Variants in TBC1D4 observed in about 807,000 individuals in gnomAD.
TBC1D4 encodes the protein TBC1 domain family member 4, also known as TBC (Tre-2, BUB2, CDC16) domain-containing protein.
In TBC1D4, 121 loss-of-function variants were observed where a neutral mutation model predicts 142.5. The ratio of observed to expected loss-of-function variants is 0.85; its 90% CI spans 0.73 to 0.99. TBC1D4 has a LOEUF of 0.99. Among genes scored for constraint, TBC1D4 ranks in the 50% least tolerant of loss-of-function variants. TBC1D4 has a pLI of 0.00. For missense variants in TBC1D4, 1,475 were observed against 1,606.6 expected, an observed-to-expected ratio of 0.92 and a Z score of 1.40; for synonymous variants, 630 against 628.2, an observed-to-expected ratio of 1.00 and a Z score of -0.04.
At chr13:75,441,087 T>C (rs1887019796) in intron 1 of TBC1D4, among the ~76,000 whole-genome samples, 1 of 152,056 alleles carries the variant, frequency 6.6e-6, no homozygotes. Context: ...AAATACCGTC[T>C]TTACTAAAAA....
At chr13:75,361,935 T>C in intron 2 of TBC1D4, 91 bp downstream of exon 2, 5 of 1,410,468 alleles carry the variant, frequency 3.5e-6, no homozygotes, top group Non-Finnish European at 4.0e-6. Context: ...TTATTCGTTA[T>C]ATAGAGGTGG....
chr13:75,470,495 T>C (rs776983125), intron 1 of TBC1D4, among the ~76,000 whole-genome samples: 28 of 152,114 alleles, frequency 1.8e-4, no homozygotes, highest in Admixed American at 5.9e-4. Context: ...AGCAATCATA[T>C]TGTAACAAAA....
At chr13:75,391,995 T>C (rs1309964805) in intron 1 of TBC1D4, among the ~76,000 whole-genome samples, 1 of 152,194 alleles carries the variant, frequency 6.6e-6, no homozygotes, top group Non-Finnish European at 1.5e-5. Context: ...CATCATTTCT[T>C]TTTCTCAGTC....
intron 1 of TBC1D4, among the ~76,000 whole-genome samples, chr13:75,383,656 C>T (rs1046029783): frequency 1.3e-5 from 2 of 152,032 alleles, no homozygotes; most frequent in Admixed American, 6.6e-5. Flanking sequence ...TTGCTAATTT[C>T]TTGCTGGGCC....
At position 75,286,652 on chromosome 13, in the gene TBC1D4, A is replaced by C. The variant is rs568395846; in HGVS notation, c.*140T>G. 6 of 830,562 alleles carry C rather than the reference A, an allele frequency of 7.2e-6. No individual in the cohort carries two copies. The highest frequency in any genetic ancestry group is 2.1e-5 in the Admixed American group (1 of 47,216). 51.4% of individuals were successfully genotyped at this position (830,562 alleles called of 1,614,324 possible). A position where few individuals can be genotyped will look rare whatever the true frequency, so the allele number is the denominator to read the frequency against. Reference sequence around the variant, plus strand: ...GCATGCTCTGATGAGCACGAGGTCCACCTGCTGTGACTAGGCGCTCAGCAC... The same window carrying C: ...GCATGCTCTGATGAGCACGAGGTCCCCCTGCTGTGACTAGGCGCTCAGCAC... On this transcript the variant is annotated 3_prime_UTR_variant, in exon 21 of 21. Coordinates refer to ENST00000377636, the MANE Select transcript of TBC1D4 (RefSeq NM_014832.5).
chr13:75,299,818 T>A (rs1267947141), intron 16 of TBC1D4, among the ~76,000 whole-genome samples: 1 of 93,174 alleles, frequency 1.1e-5, no homozygotes, highest in African/African-American at 4.6e-5. Flanking sequence ...AGTACTTCTT[T>A]CCAGCAAAAA....
chr13:75,348,970 T>A (rs1881380433), intron 5 of TBC1D4, among the ~76,000 whole-genome samples, 200 bp downstream of exon 5: 1 of 150,262 alleles, frequency 6.7e-6, no homozygotes, highest in Non-Finnish European at 1.5e-5. Flanking sequence ...TGTGTGTGTG[T>A]GTGTGTGTGT....
At chr13:75,402,317 A>G (rs1310600649) in intron 1 of TBC1D4, among the ~76,000 whole-genome samples, 1 of 152,182 alleles carries the variant, frequency 6.6e-6, no homozygotes, top group Non-Finnish European at 1.5e-5. Context: ...CAGACTTAAA[A>G]GGGTTTTGTC....
chr13:75,433,091 TCTCA>T (rs1886656932), intron 1 of TBC1D4, among the ~76,000 whole-genome samples: 2 of 152,106 alleles, frequency 1.3e-5, no homozygotes, highest in Non-Finnish European at 2.9e-5. Context: ...TTGCCTCAAC[TCTCA>T]CTCACCATTC....
intron 1 of TBC1D4, chr13:75,375,770 C>A (rs1427162270): frequency 8.1e-6 from 1 of 123,456 alleles, no homozygotes; most frequent in Non-Finnish European, 1.6e-5. Context: ...TGCCCCACCC[C>A]CCCCACACAC....
rs530681914 is a variant in TBC1D4 at position 75,479,866 on chromosome 13, A to C, written c.498+1404T>G. 7.2e-5 allele frequency among the ~76,000 whole-genome samples: 11 copies of C among 152,336 alleles called. 1 individual carries two copies. In the South Asian group the frequency reaches 2.3e-3, roughly 32 times the overall value. Reference sequence around the variant, plus strand: ...TTGCCATAAACATAACAGTTATGCCATAAACATAACTTCACATTAGGAGTT... The same window carrying C: ...TTGCCATAAACATAACAGTTATGCCCTAAACATAACTTCACATTAGGAGTT... On this transcript the variant is annotated intron_variant, in intron 1 of 20. Transcript: ENST00000377636.
intron 11 of TBC1D4, 46 bp from the exon 12 acceptor site, chr13:75,320,083 T>C (rs768424170): frequency 1.9e-5 from 31 of 1,607,444 alleles, no homozygotes; most frequent in Non-Finnish European, 2.5e-5. Flanking sequence ...CACACAAATA[T>C]GTCCAAATCA....
In TBC1D4 at chr13:75,284,081, C is replaced by T. The variant is rs931698970; in HGVS notation, c.*2711G>A. 2.0e-5 allele frequency among the ~76,000 whole-genome samples: 3 copies of T among 152,010 alleles called. No homozygotes were observed. The highest frequency in any genetic ancestry group is 4.4e-5 in the Non-Finnish European group (3 of 68,002). On this transcript the variant is annotated 3_prime_UTR_variant, in exon 21 of 21. Transcript: ENST00000377636. The stretch of plus-strand genomic sequence containing the variant: ...CTGAGTAGCTGAGATTACAGATGCA[C>T]ACCACCACGCCTGGCTAATTTTTGT...
intron 1 of TBC1D4, among the ~76,000 whole-genome samples, chr13:75,409,644 T>A: frequency 6.6e-6 from 1 of 152,200 alleles, no homozygotes; most frequent in East Asian, 1.9e-4. Flanking sequence ...CACAGTAAAA[T>A]ACACGGAATC....
chr13:75,336,576 T>A (rs572148215), intron 8 of TBC1D4, among the ~76,000 whole-genome samples: 1 of 152,008 alleles, frequency 6.6e-6, no homozygotes, highest in Admixed American at 6.6e-5. Flanking sequence ...GACATGGTGA[T>A]GTACACCTGT....
At chr13:75,443,080 C>T (rs1887119350) in intron 1 of TBC1D4, among the ~76,000 whole-genome samples, 1 of 152,192 alleles carries the variant, frequency 6.6e-6, no homozygotes, top group African/African-American at 2.4e-5. Context: ...CTCCTCTGGG[C>T]TTAGGCAAGT....
At position 75,285,414 on chromosome 13, in the gene TBC1D4, G is replaced by A. The variant is rs903094744; in HGVS notation, c.*1378C>T. 6.6e-6 allele frequency: 1 copy of A among 152,112 alleles called. No homozygotes were observed. Among genetic ancestry groups the A allele is most frequent in the Non-Finnish European group, 1.5e-5 (1 of 67,988 alleles). The allele number at this position is 152,112 out of a possible 1,614,324, so 9.4% of individuals were successfully genotyped here. A position where few individuals can be genotyped will look rare whatever the true frequency, so the allele number is the denominator to read the frequency against. ...AAGCAGTGAGGATAAATACTTTTTG[G>A]AAAGGCAAAAATGCTGCATCAACTT... On this transcript the variant is annotated 3_prime_UTR_variant, in exon 21 of 21. Transcript: ENST00000377636.
intron 1 of TBC1D4, among the ~76,000 whole-genome samples, chr13:75,430,104 T>C (rs746958686): frequency 2.6e-5 from 4 of 152,176 alleles, no homozygotes; most frequent in African/African-American, 4.8e-5. Context: ...AAGAAAATTA[T>C]GACAAATACA....
At chr13:75,420,967 C>G (rs907879203) in intron 1 of TBC1D4, among the ~76,000 whole-genome samples, 2 of 152,172 alleles carry the variant, frequency 1.3e-5, no homozygotes. Context: ...AGATTTACCC[C>G]CTGGTTCTCA....
Sources: allele counts gnomAD v4.1 joint callset (sites outside exome capture counted in the v4.1 genomes callset), GRCh38; gene constraint gnomAD v4.1.1; transcripts MANE v1.5; gene names NCBI Gene and HGNC (gene_info 2026-07-23, HGNC 2026-07-21).